LIN54: variants seen among roughly 807,000 people sequenced by gnomAD.
LIN54 encodes protein lin-54 homolog.
A neutral mutation model predicts 78.7 loss-of-function variants in LIN54; 9 were observed. That is an observed-to-expected ratio of 0.11 (90% confidence interval 0.07 to 0.20). The LOEUF is 0.20. LIN54 is among the 10% of genes least tolerant of loss of function. The pLI, the probability that LIN54 is intolerant of heterozygous loss-of-function variation, is 1.00. For missense variants in LIN54, 573 were observed against 889.9 expected, an observed-to-expected ratio of 0.64 and a Z score of 4.53; for synonymous variants, 269 against 318.4, an observed-to-expected ratio of 0.84 and a Z score of 1.65.
At chr4:82,990,745 A>T (rs1727620451) in intron 1 of LIN54, among the ~76,000 whole-genome samples, 1 of 152,100 alleles carries the variant, frequency 6.6e-6, no homozygotes, top group Admixed American at 6.6e-5. Flanking sequence ...CGCCTCCCAA[A>T]GTGCTAGGAT....
intron 5 of LIN54, among the ~76,000 whole-genome samples, chr4:82,941,307 G>A (rs1195996850): frequency 6.6e-6 from 1 of 151,988 alleles, no homozygotes; most frequent in Non-Finnish European, 1.5e-5. Flanking sequence ...ACGGAAGCAT[G>A]AGAAGTGGAA....
intron 5 of LIN54, among the ~76,000 whole-genome samples, chr4:82,940,194 A>G (rs1366645714): frequency 6.6e-6 from 1 of 152,230 alleles, no homozygotes; most frequent in Non-Finnish European, 1.5e-5. Context: ...TTGTGAGGGA[A>G]TATTTGTAGG....
chr4:83,003,691 A>G lies in LIN54; in HGVS notation c.-33+6793T>C, dbSNP rs1368749791. 2.6e-5 allele frequency among the ~76,000 whole-genome samples: 4 copies of G among 152,018 alleles called. No individual in the cohort carries two copies. In the East Asian group the frequency reaches 5.8e-4, roughly 22 times the overall value. On this transcript the variant is annotated intron_variant, in intron 1 of 12. Transcript: ENST00000340417. ...CAGGTGTGCACCACCATGACTAGCT[A>G]ATTTGTCTAGTTTTTCTAGAGACGG... is the stretch of plus-strand genomic sequence containing the variant.
intron 1 of LIN54, among the ~76,000 whole-genome samples, chr4:82,989,116 A>G (rs1054717275): frequency 6.6e-6 from 1 of 151,684 alleles, no homozygotes; most frequent in Admixed American, 6.6e-5. Flanking sequence ...TGAACCCGGG[A>G]GGCGGAGCTT....
intron 1 of LIN54, among the ~76,000 whole-genome samples, chr4:83,002,275 C>A (rs897381002): frequency 1.3e-4 from 20 of 151,476 alleles, no homozygotes; most frequent in Admixed American, 3.3e-4. Context: ...GTGGTGCATG[C>A]CTTTAATCCC....
intron 1 of LIN54, among the ~76,000 whole-genome samples, chr4:83,004,126 G>A (rs567081903): frequency 1.3e-5 from 2 of 152,156 alleles, no homozygotes; most frequent in African/African-American, 4.8e-5. Context: ...GGCCGGGTGC[G>A]GTGGCTTATG....
chr4:82,937,395 C>T (rs977287289), intron 8 of LIN54, 97 bp from the exon 9 acceptor site: 2 of 700,394 alleles, frequency 2.9e-6, no homozygotes, highest in Admixed American at 3.1e-5. Flanking sequence ...AAAATTAGAC[C>T]TAAAACTAAT....
chr4:82,968,591 C>T (rs559867757), intron 4 of LIN54, among the ~76,000 whole-genome samples: 87 of 152,232 alleles, frequency 5.7e-4, no homozygotes, highest in African/African-American at 1.8e-3. Context: ...CTTAGTGATT[C>T]TCTACCCTGG....
intron 5 of LIN54, among the ~76,000 whole-genome samples, chr4:82,942,625 G>C (rs1275085615): frequency 6.6e-6 from 1 of 152,012 alleles, no homozygotes. Flanking sequence ...TTCCTGCTTG[G>C]GACACAGGAG....
At position 82,984,726 on chromosome 4, in the gene LIN54, A is replaced by G; in HGVS notation, c.119T>C (p.Met40Thr). ...GACAATTTCTTCCAGTTCTGTCTCC[A>G]TGGGAATTGGGGATGAAACAATAAC... is the stretch of plus-strand genomic sequence containing the variant. The part of the protein sequence containing the change: ...EAVIVSSPIP[M>T]ETELEEIVNI... Residue 40 changes from methionine (M) to threonine (T), a missense_variant, in exon 2 of 13, where the codon ATG (methionine) becomes ACG (threonine). By Grantham distance (81) the Met-to-Thr change is moderately conservative. Transcript: ENST00000340417. 6.2e-7 allele frequency: 1 copy of G among 1,614,166 alleles called. No homozygotes were observed.
intron 2 of LIN54, among the ~76,000 whole-genome samples, chr4:82,980,469 TTAAAC>T (rs1726540194): frequency 6.6e-6 from 1 of 152,108 alleles, no homozygotes; most frequent in Admixed American, 6.6e-5. Context: ...AAATTATAAA[TTAAAC>T]TAAATAACAC....
At chr4:82,972,935 G>A (rs1163687458) in intron 3 of LIN54, among the ~76,000 whole-genome samples, 1 of 120,034 alleles carries the variant, frequency 8.3e-6, no homozygotes, top group East Asian at 2.5e-4. Flanking sequence ...GGCAACAAGA[G>A]CAAGAATCCC....
chr4:82,991,337 TTA>T (rs936257722), intron 1 of LIN54, among the ~76,000 whole-genome samples: 5 of 152,154 alleles, frequency 3.3e-5, no homozygotes, highest in African/African-American at 9.7e-5. Flanking sequence ...TTCCAATTGT[TTA>T]TGAGTATGTA....
At chr4:82,969,750 T>A (rs936350657) in intron 4 of LIN54, among the ~76,000 whole-genome samples, 1 of 152,226 alleles carries the variant, frequency 6.6e-6, no homozygotes, top group African/African-American at 2.4e-5. Flanking sequence ...TTCAAAATGT[T>A]ATGCTGGTAT....
Position 82,969,797 on chromosome 4 carries a change from G to A in LIN54, c.951+530C>T, listed in dbSNP as rs569259272. ...TATGTTTTAGGAAAGTGAGTTAGAT[G>A]ACTTACTTTGCCTCACAATAAAATA... On this transcript the variant is annotated intron_variant, in intron 4 of 12. Transcript: ENST00000340417. Among the ~76,000 whole-genome samples, 5 of 152,228 alleles carry A rather than the reference G, an allele frequency of 3.3e-5. No homozygotes were observed. In the South Asian group the frequency reaches 1.0e-3, roughly 32 times the overall value.
chr4:82,968,923 G>A (rs1314270104), intron 4 of LIN54, among the ~76,000 whole-genome samples: 1 of 152,144 alleles, frequency 6.6e-6, no homozygotes, highest in Non-Finnish European at 1.5e-5. Context: ...GTCAAGTCTG[G>A]AGAGATGAAA....
rs561908322 is a variant in LIN54 at position 82,998,083 on chromosome 4, A to G, written c.-33+12401T>C. On this transcript the variant is annotated intron_variant, in intron 1 of 12. Transcript: ENST00000340417. Reference sequence around the variant, plus strand: ...ATACACGTATATATATATATACTAAATGACATATCTGCTTTTACATTTTAT... The same window carrying G: ...ATACACGTATATATATATATACTAAGTGACATATCTGCTTTTACATTTTAT... Among the ~76,000 whole-genome samples, 33 of 148,940 alleles carry G rather than the reference A, an allele frequency of 2.2e-4. No homozygotes were observed. The East Asian group carries it at 6.4e-3, about 29-fold the overall frequency.
At chr4:83,011,836 C>T (rs1729872392), upstream of LIN54, among the ~76,000 whole-genome samples, 2 of 149,518 alleles carry the variant, frequency 1.3e-5, no homozygotes, top group Admixed American at 1.3e-4. Context: ...AGGAAACTGG[C>T]TGCCTTTGTC....
intron 11 of LIN54, among the ~76,000 whole-genome samples, chr4:82,931,624 G>A (rs1721961350): frequency 6.6e-6 from 1 of 152,082 alleles, no homozygotes; most frequent in African/African-American, 2.4e-5. Context: ...GGGAGTTCGG[G>A]AGGGACTTCA....
Sources: allele counts gnomAD v4.1 joint callset (sites outside exome capture counted in the v4.1 genomes callset), GRCh38; gene constraint gnomAD v4.1.1; transcripts MANE v1.5; gene names NCBI Gene and HGNC (gene_info 2026-07-23, HGNC 2026-07-21).